Variants in IRAK4 observed in about 807,000 individuals in gnomAD.
The protein encoded by IRAK4 is interleukin-1 receptor-associated kinase 4.
In IRAK4, 44 loss-of-function variants were observed where a neutral mutation model predicts 51.8. The ratio of observed to expected loss-of-function variants is 0.85; its 90% CI spans 0.67 to 1.09. IRAK4 has a LOEUF of 1.09. Ranked by LOEUF, IRAK4 falls within the 50% of genes least tolerant of loss-of-function variation. The pLI is 0.00. For synonymous variants in IRAK4, 149 were observed against 174.1 expected, an observed-to-expected ratio of 0.86 and a Z score of 1.13; for missense variants, 487 against 538.0, an observed-to-expected ratio of 0.91 and a Z score of 0.94.
rs1942424710 is a variant in IRAK4, at chr12:43,789,512, ATTG to A, written c.*2800_*2802del. The A allele has an allele frequency of 6.6e-6, 1 of 152,194 alleles. No individual in the cohort carries two copies. Among genetic ancestry groups the A allele is most frequent in the African/African-American group, 2.4e-5 (1 of 41,438 alleles). The allele number at this position is 152,194 out of a possible 1,614,324, so 9.4% of individuals were successfully genotyped here. A position where few individuals can be genotyped will look rare whatever the true frequency, so the allele number is the denominator to read the frequency against. ...TAAATTTGTAATTTTTAAGTTATAG[ATTG>A]TTTTTATTAAACACTTATGAATACT... On this transcript the variant is annotated 3_prime_UTR_variant, in exon 12 of 12. Coordinates refer to ENST00000613694, the MANE Select transcript of IRAK4 (RefSeq NM_016123.4).
chr12:43,783,724 G>T lies in IRAK4; in HGVS notation c.1188G>T (p.Leu396Phe). 6.3e-7 allele frequency: 1 copy of T among 1,592,958 alleles called. No individual in the cohort carries two copies. ...AVDEHREPQL[L>F]LDIKEEIEDE... ...ATGAACACCGTGAACCTCAGTTATT[G>T]GTAAATGAAATATTCATTTTCCTCA... Residue 396 changes from leucine to phenylalanine, a missense_variant and splice_region_variant, in exon 10 of 12, where the codon TTG becomes TTT. Leu to Phe is a conservative substitution (Grantham distance 22, BLOSUM62 0). Coordinates refer to ENST00000613694, the MANE Select transcript of IRAK4 (RefSeq NM_016123.4).
intron 1 of IRAK4, among the ~76,000 whole-genome samples, chr12:43,764,877 T>A (rs1018624309): frequency 6.6e-6 from 1 of 152,226 alleles, no homozygotes; most frequent in African/African-American, 2.4e-5. Flanking sequence ...AAGCAGATGT[T>A]ACCATTCTTT....
intron 2 of IRAK4, chr12:43,768,629 C>A (rs1425191384): frequency 5.4e-6 from 1 of 184,278 alleles, no homozygotes; most frequent in Non-Finnish European, 1.1e-5. Context: ...TGGTAAAAAT[C>A]TAGAGCTTAA....
At chr12:43,775,240 C>G (rs1416527853) in intron 6 of IRAK4, among the ~76,000 whole-genome samples, 2 of 152,146 alleles carry the variant, frequency 1.3e-5, no homozygotes, top group Non-Finnish European at 2.9e-5. Flanking sequence ...TTCACTCCTA[C>G]CCCTACTCTC....
chr12:43,786,487 T>C lies in IRAK4; in HGVS notation c.1277T>C (p.Val426Ala), dbSNP rs1461455703. 6.2e-7 allele frequency: 1 copy of C among 1,613,162 alleles called. No individual in the cohort carries two copies. The highest frequency in any genetic ancestry group is 1.1e-5 in the South Asian group (1 of 90,768). Residue 426 changes from valine (V) to alanine (A), a missense_variant, in exon 11 of 12, where the codon GTT (valine) becomes GCT (alanine). Physicochemically the swap from Val to Ala is moderately conservative, Grantham distance 64. Coordinates refer to ENST00000613694, the MANE Select transcript of IRAK4 (RefSeq NM_016123.4). ...KKMNDADSTSVEAMYSVASQC... is the reference protein window; with the variant it reads ...KKMNDADSTSAEAMYSVASQC... ...ATGAATGATGCTGATTCCACTTCAGTTGAAGCTATGTACTCTGTTGCTAGT... is the reference window on the plus strand; with the variant it reads ...ATGAATGATGCTGATTCCACTTCAGCTGAAGCTATGTACTCTGTTGCTAGT...
chr12:43,772,486 T>A, intron 4 of IRAK4, 124 bp downstream of exon 4: 1 of 842,702 alleles, frequency 1.2e-6, no homozygotes, highest in South Asian at 1.4e-5. Flanking sequence ...AGCTCTTTTG[T>A]GAGTTGTTTC....
At position 43,788,830 on chromosome 12, in the gene IRAK4, C is replaced by T. The variant is rs951042290; in HGVS notation, c.*2115C>T. 1.3e-5 allele frequency: 2 copies of T among 152,196 alleles called. No individual in the cohort carries two copies. Among genetic ancestry groups the T allele is most frequent in the Admixed American group, 1.3e-4 (2 of 15,276 alleles). The allele number at this position is 152,196 out of a possible 1,614,324, so 9.4% of individuals were successfully genotyped here. On this transcript the variant is annotated 3_prime_UTR_variant, in exon 12 of 12. Transcript: ENST00000613694. ...GCCAGTATTTAAAGTTTAATGTCTT[C>T]CCAGCTGGGTTTCAGACTTGCCAGG...
In IRAK4 at chr12:43,777,623, G is replaced by T. The variant is rs1263672838; in HGVS notation, c.717-7G>T. The T allele has an allele frequency of 6.3e-7, 1 of 1,595,966 alleles. No individual in the cohort carries two copies. Among genetic ancestry groups the T allele is most frequent in the South Asian group, 1.2e-5 (1 of 86,558 alleles). ...AATAATTTTGCATGAAAAATTATTT[G>T]TCACAGGTGTCAACATGAAAACTTA... On this transcript the variant is annotated splice_polypyrimidine_tract_variant and splice_region_variant and intron_variant, in intron 6 of 11. Coordinates refer to ENST00000613694, the MANE Select transcript of IRAK4 (RefSeq NM_016123.4).
At chr12:43,782,264 G>A (rs1161134975) in intron 8 of IRAK4, 43 bp from the exon 9 acceptor site, 1 of 1,425,440 alleles carries the variant, frequency 7.0e-7, no homozygotes, top group Non-Finnish European at 9.9e-7. Context: ...CTTTTTTGGG[G>A]TGGGAAAAAC....
chr12:43,774,872 CCAGA>C (rs1215969331), intron 6 of IRAK4, among the ~76,000 whole-genome samples: 2 of 152,156 alleles, frequency 1.3e-5, no homozygotes. Context: ...GTGCAACATG[CCAGA>C]CATTGTGCTA....
chr12:43,780,021 G>A (rs1055349579), intron 8 of IRAK4, among the ~76,000 whole-genome samples: 2 of 152,152 alleles, frequency 1.3e-5, no homozygotes, highest in East Asian at 1.9e-4. Flanking sequence ...GGAATCTAAG[G>A]AAGTACACAT....
intron 6 of IRAK4, among the ~76,000 whole-genome samples, chr12:43,776,253 G>A (rs1313689481): frequency 6.6e-6 from 1 of 151,944 alleles, no homozygotes; most frequent in Non-Finnish European, 1.5e-5. Flanking sequence ...CTTTCTATTC[G>A]TTAATTTTCT....
At chr12:43,780,447 A>G (rs1941677296) in intron 8 of IRAK4, among the ~76,000 whole-genome samples, 2 of 152,042 alleles carry the variant, frequency 1.3e-5, no homozygotes, top group African/African-American at 4.8e-5. Context: ...GGTTACTGAG[A>G]ATGTAGAAAG....
At position 43,788,090 on chromosome 12, in the gene IRAK4, C is replaced by A. The variant is rs1046755597; in HGVS notation, c.*1375C>A. 1 of 151,952 alleles carries A rather than the reference C, an allele frequency of 6.6e-6. No homozygotes were observed. Among genetic ancestry groups the A allele is most frequent in the Non-Finnish European group, 1.5e-5 (1 of 68,018 alleles). 9.4% of individuals were successfully genotyped at this position (151,952 alleles called of 1,614,324 possible). A position where few individuals can be genotyped will look rare whatever the true frequency, so the allele number is the denominator to read the frequency against. On this transcript the variant is annotated 3_prime_UTR_variant, in exon 12 of 12. Coordinates refer to ENST00000613694, the MANE Select transcript of IRAK4 (RefSeq NM_016123.4). ...AAATAAATAAATGGGTCACATTAAG[C>A]CTTTAAGTTTGTGGTAATTTATTAT...
At chr12:43,777,920 G>A (rs1447526174) in intron 7 of IRAK4, among the ~76,000 whole-genome samples, 176 bp downstream of exon 7, 1 of 152,234 alleles carries the variant, frequency 6.6e-6, no homozygotes, top group East Asian at 1.9e-4. Context: ...CAACTGGGTT[G>A]CCATTTTATT....
intron 1 of IRAK4, among the ~76,000 whole-genome samples, chr12:43,760,549 G>C (rs919849204): frequency 6.6e-6 from 1 of 152,142 alleles, no homozygotes; most frequent in Admixed American, 6.5e-5. Context: ...TCTGCTACTT[G>C]CCTGTTCCCT....
In IRAK4 at chr12:43,771,307, T is replaced by A; in HGVS notation, c.249T>A (p.Asp83Glu). Residue 83 changes from aspartate (D) to glutamate (E), a missense_variant, in exon 3 of 12, where the codon GAT becomes GAA. Coordinates refer to ENST00000613694, the MANE Select transcript of IRAK4 (RefSeq NM_016123.4). ...DWGTTNCTVG[D>E]LVDLLIQNEF... ...GCACCACAAATTGCACAGTTGGTGA[T>A]CTTGTGGATCTTTTGATCCAAAATG... 1 of 1,614,154 alleles carries A rather than the reference T, an allele frequency of 6.2e-7. No homozygotes were observed. The highest frequency in any genetic ancestry group is 1.1e-5 in the South Asian group (1 of 91,090).
chr12:43,776,238 T>G (rs753220766), intron 6 of IRAK4, among the ~76,000 whole-genome samples: 10 of 152,142 alleles, frequency 6.6e-5, no homozygotes, highest in Non-Finnish European at 1.3e-4. Flanking sequence ...GGCCAAGTTT[T>G]TTAACTTTCT....
intron 1 of IRAK4, among the ~76,000 whole-genome samples, chr12:43,766,159 T>C (rs1940125568): frequency 6.6e-6 from 1 of 152,324 alleles, no homozygotes; most frequent in East Asian, 1.9e-4. Context: ...ACTCTTTGTC[T>C]TAGCACATGA....
Sources: gnomAD v4.1 joint callset for allele counts (sites outside exome capture counted in the v4.1 genomes callset) on GRCh38, gnomAD v4.1.1 for gene constraint, MANE v1.5 for transcripts, NCBI Gene and HGNC (gene_info 2026-07-23, HGNC 2026-07-21) for gene names.